Variants in FRMD4A observed in about 807,000 individuals in gnomAD.
FRMD4A encodes the protein FERM domain-containing protein 4A.
FRMD4A carries 29 observed loss-of-function variants against 129.1 expected under a neutral mutation model. That is an observed-to-expected ratio of 0.22 (90% CI 0.17 to 0.31). The LOEUF (loss-of-function observed/expected upper bound fraction) is 0.31, where lower values mean the gene tolerates loss of function less well. FRMD4A is among the 10% of genes least tolerant of loss of function. The probability of loss-of-function intolerance (pLI) is 1.00; values close to 1 mark genes in which losing one functional copy is unlikely to be tolerated. For synonymous variants in FRMD4A, 634 were observed against 571.6 expected (o/e 1.11, Z -1.56); for missense variants, 1,272 against 1,375.8 (o/e 0.92, Z 1.19).
intron 19 of FRMD4A, among the ~76,000 whole-genome samples, chr10:13,663,217 C>T (rs1407846583): frequency 2.6e-5 from 4 of 151,252 alleles, no homozygotes; most frequent in Non-Finnish European, 5.9e-5. Flanking sequence ...TTTTTGGCTT[C>T]TAAAAAAGTA....
At chr10:14,147,964 T>A (rs1162887781) in intron 2 of FRMD4A, among the ~76,000 whole-genome samples, 3 of 152,226 alleles carry the variant, frequency 2.0e-5, no homozygotes, top group Non-Finnish European at 4.4e-5. Context: ...GAGTAGATTA[T>A]ATAAACAATT....
chr10:14,055,462 A>AACACACACACACAC (rs71388155), intron 2 of FRMD4A, among the ~76,000 whole-genome samples: 1 of 77,430 alleles, frequency 1.3e-5, no homozygotes, highest in African/African-American at 5.7e-5. Flanking sequence ...CACACACACA[A>AACACACACACACAC]ACACACACAC....
chr10:13,653,744 G>A (rs2081889608), intron 23 of FRMD4A: 1 of 148,504 alleles, frequency 6.7e-6, no homozygotes, highest in Admixed American at 6.6e-5. Flanking sequence ...AGAGGCAGGT[G>A]CTGTAGGGCC....
chr10:14,254,432 C>T (rs1844540883), intron 2 of FRMD4A, among the ~76,000 whole-genome samples: 1 of 152,172 alleles, frequency 6.6e-6, no homozygotes, highest in Admixed American at 6.5e-5. Flanking sequence ...GAACACAGGA[C>T]ACCCTGACAA....
At chr10:13,813,567 A>C (rs1479228705) in intron 3 of FRMD4A, among the ~76,000 whole-genome samples, 1 of 152,264 alleles carries the variant, frequency 6.6e-6, no homozygotes, top group African/African-American at 2.4e-5. Context: ...TTACCCACCA[A>C]ACATCACAGC....
chr10:13,844,115 G>C (rs2094009261), intron 3 of FRMD4A, among the ~76,000 whole-genome samples: 1 of 152,108 alleles, frequency 6.6e-6, no homozygotes, highest in South Asian at 2.1e-4. Context: ...GTATGTGAGT[G>C]TGTATTCAAG....
At chr10:13,939,228 T>A (rs1339040154) in intron 2 of FRMD4A, among the ~76,000 whole-genome samples, 2 of 152,132 alleles carry the variant, frequency 1.3e-5, no homozygotes, top group African/African-American at 2.4e-5. Flanking sequence ...GATTAGGGAG[T>A]GAAACCATCC....
At chr10:13,932,087 T>A (rs767904886) in intron 2 of FRMD4A, among the ~76,000 whole-genome samples, 1 of 152,236 alleles carries the variant, frequency 6.6e-6, no homozygotes, top group African/African-American at 2.4e-5. Flanking sequence ...ATCGTAGAGA[T>A]GTATTACCAA....
chr10:13,727,901 A>G (rs956048299), intron 12 of FRMD4A: 1 of 149,128 alleles, frequency 6.7e-6, no homozygotes, highest in African/African-American at 2.4e-5. Flanking sequence ...GTGCTCGAAC[A>G]CTATTGCTGT....
intron 2 of FRMD4A, among the ~76,000 whole-genome samples, chr10:13,865,458 ATTTAT>A (rs2094354576): frequency 1.6e-5 from 2 of 122,218 alleles, no homozygotes; most frequent in Admixed American, 8.1e-5. Context: ...ATTTTATTTT[ATTTAT>A]TTTTATAGAC....
At chr10:13,739,701 G>T (rs1354692532) in intron 11 of FRMD4A, among the ~76,000 whole-genome samples, 1 of 152,220 alleles carries the variant, frequency 6.6e-6, no homozygotes, top group African/African-American at 2.4e-5. Context: ...GTTGAAGCAA[G>T]TTAACTGGAT....
At chr10:14,256,869 T>A (rs896294751) in intron 2 of FRMD4A, among the ~76,000 whole-genome samples, 1 of 152,110 alleles carries the variant, frequency 6.6e-6, no homozygotes, top group African/African-American at 2.4e-5. Context: ...TGTAATAACA[T>A]ATACATACTT....
intron 2 of FRMD4A, among the ~76,000 whole-genome samples, chr10:14,121,530 A>C (rs1380106658): frequency 6.6e-6 from 1 of 152,190 alleles, no homozygotes; most frequent in East Asian, 1.9e-4. Context: ...AGTTTAAAAG[A>C]GGGGCTATCA....
At chr10:14,048,760 C>T (rs1374139475) in intron 2 of FRMD4A, among the ~76,000 whole-genome samples, 4 of 151,718 alleles carry the variant, frequency 2.6e-5, no homozygotes, top group South Asian at 2.1e-4. Context: ...GAGCTGAGAT[C>T]GCACCACCGC....
At chr10:14,201,595 T>C (rs1020667003) in intron 2 of FRMD4A, among the ~76,000 whole-genome samples, 2 of 152,214 alleles carry the variant, frequency 1.3e-5, no homozygotes, top group Admixed American at 1.3e-4. Flanking sequence ...GTCCAGCAAA[T>C]AAAAGTGTGG....
chr10:14,125,179 G>T (rs920523286), intron 2 of FRMD4A, among the ~76,000 whole-genome samples: 1 of 152,140 alleles, frequency 6.6e-6, no homozygotes, highest in Non-Finnish European at 1.5e-5. Flanking sequence ...GATCACCGTC[G>T]ATGACTATGC....
intron 2 of FRMD4A, among the ~76,000 whole-genome samples, chr10:14,199,417 A>G (rs1437014778): frequency 3.4e-5 from 5 of 147,780 alleles, no homozygotes; most frequent in Admixed American, 2.7e-4. Context: ...TCCCGGGCTC[A>G]ATCTCAACTC....
intron 2 of FRMD4A, among the ~76,000 whole-genome samples, chr10:14,143,774 C>A (rs1468180659): frequency 1.3e-5 from 2 of 152,120 alleles, no homozygotes; most frequent in Non-Finnish European, 2.9e-5. Flanking sequence ...ACCATCATGC[C>A]TGGCTAACTT....
At chr10:14,077,849 A>T (rs973462613) in intron 2 of FRMD4A, among the ~76,000 whole-genome samples, 8 of 152,370 alleles carry the variant, frequency 5.3e-5, no homozygotes, top group African/African-American at 1.9e-4. Flanking sequence ...ATATAGGCTT[A>T]ACATCCATCT....
Sources: gnomAD v4.1 joint callset for allele counts (sites outside exome capture counted in the v4.1 genomes callset) on GRCh38, gnomAD v4.1.1 for gene constraint, MANE v1.5 for transcripts, NCBI Gene and HGNC (gene_info 2026-07-23, HGNC 2026-07-21) for gene names.